Variants in USH1C observed in about 807,000 individuals in gnomAD.
USH1C encodes harmonin.
In USH1C, 90 loss-of-function variants were observed where a neutral mutation model predicts 119.3. The ratio of observed to expected loss-of-function variants is 0.75; its 90% CI spans 0.64 to 0.90. USH1C has a LOEUF of 0.90. USH1C is among the 40% of genes least tolerant of loss of function. The pLI is 0.00. For synonymous variants in USH1C, 465 were observed against 443.3 expected (o/e 1.05, Z -0.62); for missense variants, 1,165 against 1,167.7 (o/e 1.00, Z 0.03).
At chr11:17,533,689 T>A (rs1565067540) in intron 1 of USH1C, 2 of 488,588 alleles carry the variant, frequency 4.1e-6, no homozygotes, top group Non-Finnish European at 8.0e-6. Context: ...GGCTGTGTCA[T>A]CCATGGCCAG....
intron 1 of USH1C, among the ~76,000 whole-genome samples, chr11:17,539,582 T>G (rs1362385765): frequency 6.6e-6 from 1 of 152,188 alleles, no homozygotes; most frequent in African/African-American, 2.4e-5. Context: ...TGGACATAAA[T>G]TCTATATCCA....
chr11:17,518,888 G>T (rs1347074633), intron 14 of USH1C, among the ~76,000 whole-genome samples: 1 of 152,100 alleles, frequency 6.6e-6, no homozygotes. Context: ...GCTTGGTGGC[G>T]CATGCCTGTA....
intron 23 of USH1C, 137 bp downstream of exon 23, chr11:17,500,914 G>A: frequency 1.3e-6 from 1 of 755,262 alleles, no homozygotes; most frequent in Non-Finnish European, 2.3e-6. Flanking sequence ...CAGGCAGTCG[G>A]ATGGATGGAC....
rs376197674 is a variant in USH1C, at chr11:17,523,449, G to A, written c.789C>T (p.Gly263=). 6 of 1,614,170 alleles carry A rather than the reference G, an allele frequency of 3.7e-6. No individual in the cohort carries two copies. Among genetic ancestry groups the A allele is most frequent in the South Asian group, 3.3e-5 (3 of 91,070 alleles). ...TGTGATCCAGGTTAGAGAAGTCGACGCCATTGACTTCGACAATCTGGTCCC... is the reference window on the plus strand; with the variant it reads ...TGTGATCCAGGTTAGAGAAGTCGACACCATTGACTTCGACAATCTGGTCCC... ...EIGDQIVEVN[G]VDFSNLDHKE... is the part of the protein sequence containing the mutation. Residue 263 remains glycine, a synonymous_variant, in exon 10 of 27, where the codon GGC becomes GGT. Coordinates refer to ENST00000005226, the MANE Select transcript of USH1C (RefSeq NM_153676.4).
At chr11:17,527,744 C>A (rs964057516) in intron 4 of USH1C, among the ~76,000 whole-genome samples, 1 of 152,206 alleles carries the variant, frequency 6.6e-6, no homozygotes. Context: ...TGTCCCAACC[C>A]ACCCCTAGGA....
intron 16 of USH1C, among the ~76,000 whole-genome samples, chr11:17,511,458 A>C (rs997461523): frequency 6.6e-6 from 1 of 152,078 alleles, no homozygotes; most frequent in Non-Finnish European, 1.5e-5. Context: ...TTAGCCGCAG[A>C]CCATACTCTA....
chr11:17,521,022 T>C, intron 13 of USH1C, 28 bp from the exon 14 acceptor site: 1 of 1,613,748 alleles, frequency 6.2e-7, no homozygotes, highest in Non-Finnish European at 8.5e-7. Context: ...TGCCTGTTAC[T>C]GGAGTCAGAA....
At position 17,510,470 on chromosome 11, in the gene USH1C, A is replaced by G; in HGVS notation, c.1465T>C (p.Trp489Arg). Residue 489 changes from tryptophan to arginine, a missense_variant, in exon 17 of 27, where the codon TGG (tryptophan) becomes CGG (arginine). Transcript: ENST00000005226. ...CGCGTTTGACAGAGCCTCTCCACCC[A>G]ATATTGAATCTTTTCCGATTCTTCA... ...DLEESEKIQY[W>R]VERLCQTRLE... 6.2e-7 allele frequency: 1 copy of G among 1,613,740 alleles called. No individual in the cohort carries two copies. Among genetic ancestry groups the G allele is most frequent in the Non-Finnish European group, 8.5e-7 (1 of 1,179,992 alleles).
Position 17,544,369 on chromosome 11 carries a change from G to T in USH1C, c.-62C>A. The stretch of plus-strand genomic sequence containing the variant: ...GTTCCTTCGGGTGCCCGGCTGCCAG[G>T]AGCTGGAAAGAGCCGCGACCGCGAC... On this transcript the variant is annotated 5_prime_UTR_variant, in exon 1 of 27. Transcript: ENST00000005226. 6.2e-7 allele frequency: 1 copy of T among 1,611,334 alleles called. No individual in the cohort carries two copies. Among genetic ancestry groups the T allele is most frequent in the Non-Finnish European group, 8.5e-7 (1 of 1,178,654 alleles).
In USH1C at chr11:17,510,435, C is replaced by T; in HGVS notation, c.1500G>A (p.Gln500=). 6.2e-7 allele frequency: 1 copy of T among 1,612,498 alleles called. No homozygotes were observed. Among genetic ancestry groups the T allele is most frequent in the South Asian group, 1.1e-5 (1 of 90,832 alleles). The change falls in exon 17 of 27, where the codon CAG becomes CAA. Residue 500 remains glutamine (Q), a synonymous_variant. Coordinates refer to ENST00000005226, the MANE Select transcript of USH1C (RefSeq NM_153676.4). ...VERLCQTRLE[Q]ISSADNEISE... ...AAATCTCATTATCAGCAGAGGAAAT[C>T]TGCTCGAGGCGCGTTTGACAGAGCC...
chr11:17,515,474 T>G (rs1850102014), intron 15 of USH1C, among the ~76,000 whole-genome samples: 1 of 152,212 alleles, frequency 6.6e-6, no homozygotes, highest in Non-Finnish European at 1.5e-5. Context: ...CTCTGGTTTC[T>G]GGGGGACTGA....
At chr11:17,521,080 G>C in intron 13 of USH1C, 86 bp from the exon 14 acceptor site, 1 of 1,569,640 alleles carries the variant, frequency 6.4e-7, no homozygotes, top group Non-Finnish European at 8.8e-7. Flanking sequence ...AGCCAGCCTG[G>C]GGAGAAGCCT....
At chr11:17,516,444 A>G (rs1038167885) in intron 14 of USH1C, 154 bp from the exon 15 acceptor site, 6 of 776,216 alleles carry the variant, frequency 7.7e-6, no homozygotes, top group Admixed American at 2.0e-5. Context: ...CCTCTGTCCA[A>G]CTCGGCTTAC....
rs1326171303 is a variant in USH1C, at chr11:17,510,390, G to C, written c.1530+15C>G. 1 of 1,603,328 alleles carries C rather than the reference G, an allele frequency of 6.2e-7. No individual in the cohort carries two copies. Among genetic ancestry groups the C allele is most frequent in the South Asian group, 1.1e-5 (1 of 90,536 alleles). ...GACAGCAGGAGGGTCTATGTGGAAA[G>C]AAGGGCTCTGTTACCTCTGAAATCT... On this transcript the variant is annotated intron_variant, in intron 17 of 26. Transcript: ENST00000005226.
rs1315173378 is a variant in USH1C, at chr11:17,526,783, C to T, written c.549G>A (p.Gln183=). ...KSSPDEPLTW[Q]YVDQFVSESG... is the part of the protein sequence containing the mutation. ...ATTCCGACACAAACTGATCCACATA[C>T]TGCCAAGTGAGGGGCTCATCAGGAG... Residue 183 remains glutamine (Q), a synonymous_variant, in exon 7 of 27, where the codon CAG becomes CAA. Transcript: ENST00000005226. 2.5e-6 allele frequency: 4 copies of T among 1,614,074 alleles called. No homozygotes were observed. Among genetic ancestry groups the T allele is most frequent in the African/African-American group, 1.3e-5 (1 of 74,936 alleles).
chr11:17,521,702 T>C (rs1465714287), intron 12 of USH1C, among the ~76,000 whole-genome samples: 2 of 152,148 alleles, frequency 1.3e-5, no homozygotes, highest in Non-Finnish European at 2.9e-5. Flanking sequence ...TTAGGTAAGG[T>C]GACTGATGAC....
At chr11:17,538,759 T>C (rs905143212) in intron 1 of USH1C, among the ~76,000 whole-genome samples, 1 of 152,024 alleles carries the variant, frequency 6.6e-6, no homozygotes, top group Non-Finnish European at 1.5e-5. Context: ...AAGCAGGAGA[T>C]GAGAGGCGTG....
At chr11:17,500,919 A>G in intron 23 of USH1C, 132 bp downstream of exon 23, 1 of 770,604 alleles carries the variant, frequency 1.3e-6, no homozygotes. Flanking sequence ...AGTCGGATGG[A>G]TGGACCCGAG....
chr11:17,501,909 C>G (rs200140380), intron 21 of USH1C, 30 bp downstream of exon 21: 5 of 1,611,614 alleles, frequency 3.1e-6, no homozygotes, highest in Non-Finnish European at 4.2e-6. Context: ...CCTGGGGTTA[C>G]TTGTCCAGGA....
Sources: gnomAD v4.1 joint callset for allele counts (sites outside exome capture counted in the v4.1 genomes callset) on GRCh38, gnomAD v4.1.1 for gene constraint, MANE v1.5 for transcripts, NCBI Gene and HGNC (gene_info 2026-07-23, HGNC 2026-07-21) for gene names.